Variants in IQCM observed in about 807,000 individuals in gnomAD.
IQCM encodes IQ motif containing M.
A neutral mutation model predicts 57.6 loss-of-function variants in IQCM; 45 were observed. That is an observed-to-expected ratio of 0.78 (90% CI 0.62 to 1.00). IQCM has a LOEUF of 1.00. Ranked by LOEUF, IQCM falls within the 50% of genes least tolerant of loss-of-function variation. The pLI is 0.00. For missense variants in IQCM, 468 were observed against 511.6 expected (o/e 0.91, Z 0.82); for synonymous variants, 148 against 158.9 (o/e 0.93, Z 0.51).
intron 2 of IQCM, among the ~76,000 whole-genome samples, chr4:149,747,412 T>C (rs748513113): frequency 3.3e-5 from 5 of 152,190 alleles, no homozygotes; most frequent in African/African-American, 4.8e-5. Context: ...GTTTAAATCA[T>C]CTCTAGATTA....
intron 9 of IQCM, among the ~76,000 whole-genome samples, chr4:149,578,618 C>T (rs1751881439): frequency 6.6e-6 from 1 of 151,728 alleles, no homozygotes; most frequent in Non-Finnish European, 1.5e-5. Flanking sequence ...GTCTCTCTCA[C>T]CTCTGCTCAA....
chr4:149,608,380 A>T (rs531675725), intron 8 of IQCM, among the ~76,000 whole-genome samples: 11 of 151,950 alleles, frequency 7.2e-5, no homozygotes, highest in South Asian at 2.1e-4. Flanking sequence ...CAATTAAGAA[A>T]CATCAGACTT....
intron 12 of IQCM, among the ~76,000 whole-genome samples, chr4:149,521,597 C>A (rs2149832299): frequency 6.6e-6 from 1 of 152,278 alleles, no homozygotes; most frequent in East Asian, 1.9e-4. Context: ...TGAATTGACC[C>A]TTTAGACAAT....
intron 12 of IQCM, among the ~76,000 whole-genome samples, chr4:149,539,744 A>G (rs374803247): frequency 1.3e-5 from 2 of 152,078 alleles, no homozygotes; most frequent in Non-Finnish European, 2.9e-5. Context: ...GGGCACCTGT[A>G]ATCCTAGCTA....
chr4:149,390,693 CTTT>C (rs1015617959), intron 13 of IQCM, among the ~76,000 whole-genome samples: 2 of 151,620 alleles, frequency 1.3e-5, no homozygotes, highest in African/African-American at 4.8e-5. Flanking sequence ...TGGTTTTTTT[CTTT>C]ATTAATATTG....
rs1472525281 is a variant in IQCM at position 149,644,951 on chromosome 4, A to G, written c.566-23707T>C. Among the ~76,000 whole-genome samples, 3 of 152,212 alleles carry G rather than the reference A, an allele frequency of 2.0e-5. No individual in the cohort carries two copies. The East Asian group carries it at 5.8e-4, about 29-fold the overall frequency. On this transcript the variant is annotated intron_variant, in intron 7 of 13. Coordinates refer to ENST00000636793, the MANE Select transcript of IQCM (RefSeq NM_001363507.2). ...ACCAGCCTTCTGTATCCTCACCTACACTTTGCACTGCCAGTCTTTTAGATC... is the reference window on the plus strand; with the variant it reads ...ACCAGCCTTCTGTATCCTCACCTACGCTTTGCACTGCCAGTCTTTTAGATC...
intron 7 of IQCM, among the ~76,000 whole-genome samples, chr4:149,629,096 C>T (rs1047033951): frequency 6.6e-6 from 1 of 152,104 alleles, no homozygotes; most frequent in Non-Finnish European, 1.5e-5. Context: ...GCAGTTCTTA[C>T]CCTCACCAAT....
At chr4:149,452,122 G>T (rs534577676) in intron 12 of IQCM, among the ~76,000 whole-genome samples, 1 of 151,668 alleles carries the variant, frequency 6.6e-6, no homozygotes, top group East Asian at 1.9e-4. Context: ...AAACATAGAA[G>T]TATAAATCAA....
chr4:149,387,715 CT>C (rs1731522974), intron 13 of IQCM, among the ~76,000 whole-genome samples: 1 of 151,876 alleles, frequency 6.6e-6, no homozygotes, highest in South Asian at 2.1e-4. Flanking sequence ...AATTTCACTC[CT>C]TTAAAGTGCA....
chr4:149,492,743 C>A (rs377472570), intron 12 of IQCM, among the ~76,000 whole-genome samples: 10 of 152,054 alleles, frequency 6.6e-5, no homozygotes, highest in African/African-American at 2.4e-4. Context: ...AGACAAGATC[C>A]CCTTAGCACA....
intron 9 of IQCM, among the ~76,000 whole-genome samples, chr4:149,586,741 A>G (rs1473751570): frequency 1.3e-5 from 2 of 151,652 alleles, no homozygotes; most frequent in African/African-American, 2.4e-5. Flanking sequence ...CTATATGTAG[A>G]ATTTTCATTT....
chr4:149,460,739 G>C (rs1249966446), intron 12 of IQCM, among the ~76,000 whole-genome samples: 1 of 152,170 alleles, frequency 6.6e-6, no homozygotes, highest in African/African-American at 2.4e-5. Context: ...AGAGGACACA[G>C]AAAGCTGTAA....
intron 8 of IQCM, among the ~76,000 whole-genome samples, chr4:149,599,396 G>A (rs976679396): frequency 2.0e-5 from 3 of 152,114 alleles, no homozygotes; most frequent in East Asian, 3.9e-4. Flanking sequence ...AGGAATATGT[G>A]TACATGTGCT....
intron 8 of IQCM, among the ~76,000 whole-genome samples, chr4:149,596,605 G>A (rs553088799): frequency 2.0e-4 from 31 of 152,260 alleles, no homozygotes; most frequent in African/African-American, 6.7e-4. Context: ...TAAATGTCCT[G>A]TAGAAAGAGA....
At chr4:149,395,766 T>C (rs1445563313) in intron 13 of IQCM, among the ~76,000 whole-genome samples, 1 of 152,078 alleles carries the variant, frequency 6.6e-6, no homozygotes, top group Non-Finnish European at 1.5e-5. Flanking sequence ...CTGTTATAAT[T>C]AGTATTAAGA....
chr4:149,368,188 A>G (rs1415234861), intron 13 of IQCM, among the ~76,000 whole-genome samples: 1 of 152,012 alleles, frequency 6.6e-6, no homozygotes, highest in Non-Finnish European at 1.5e-5. Context: ...TTGAATATGC[A>G]GCTCTCTAGA....
intron 13 of IQCM, among the ~76,000 whole-genome samples, chr4:149,380,245 A>C (rs949686073): frequency 6.7e-6 from 1 of 150,316 alleles, no homozygotes; most frequent in Non-Finnish European, 1.5e-5. Context: ...TGTGTGTGTG[A>C]AAAGATTATT....
intron 8 of IQCM, among the ~76,000 whole-genome samples, chr4:149,616,644 T>G (rs3109934): frequency 0.21 from 32,228 of 152,112 alleles, 4,272 homozygotes; most frequent in Non-Finnish European, 0.28. Context: ...TAAATTATTT[T>G]CATTATTTAA....
At chr4:149,477,711 G>A (rs971529128) in intron 12 of IQCM, among the ~76,000 whole-genome samples, 4 of 152,108 alleles carry the variant, frequency 2.6e-5, no homozygotes, top group Non-Finnish European at 5.9e-5. Flanking sequence ...TAAATGAAGT[G>A]GTCAAGGAAT....
Sources: allele counts gnomAD v4.1 joint callset (sites outside exome capture counted in the v4.1 genomes callset), GRCh38; gene constraint gnomAD v4.1.1; transcripts MANE v1.5; gene names NCBI Gene and HGNC (gene_info 2026-07-23, HGNC 2026-07-21).